DEPDC5: variants seen among roughly 807,000 people sequenced by gnomAD.
DEPDC5 encodes the protein DEP domain containing 5, GATOR1 subcomplex subunit.
A neutral mutation model predicts 217.3 loss-of-function variants in DEPDC5; 73 were observed. The observed-to-expected ratio is 0.34, with a 90% CI of 0.28 to 0.41. DEPDC5 has a LOEUF of 0.41. DEPDC5 is among the 10% of genes least tolerant of loss of function. The pLI, the probability that DEPDC5 is intolerant of heterozygous loss-of-function variation, is 1.00. For synonymous variants in DEPDC5, 733 were observed against 756.7 expected, an observed-to-expected ratio of 0.97 and a Z score of 0.51; for missense variants, 1,675 against 2,070.1, an observed-to-expected ratio of 0.81 and a Z score of 3.70.
At chr22:31,895,399 C>T (rs927511683) in intron 39 of DEPDC5, among the ~76,000 whole-genome samples, 2 of 152,304 alleles carry the variant, frequency 1.3e-5, no homozygotes, top group South Asian at 4.1e-4. Context: ...ATTCACTGCT[C>T]CTACACTAAG....
chr22:31,897,721 C>G, intron 40 of DEPDC5, 68 bp downstream of exon 40: 1 of 1,558,148 alleles, frequency 6.4e-7, no homozygotes, highest in Non-Finnish European at 8.7e-7. Context: ...GGACACCACT[C>G]TGGGTATCCA....
chr22:31,837,088 C>A lies in DEPDC5; in HGVS notation c.2287C>A (p.Arg763Ser). ...LPLTTDYFPD[R>S]QGLQNDYTEG... ...CCTTACCACCGACTACTTCCCTGAC[C>A]GCCAGGGCCTGCAGAATGACTACAC... Residue 763 changes from arginine to serine, a missense_variant, in exon 26 of 43, where the codon CGC (arginine) becomes AGC (serine). Around this residue, in one of 11 missense-constraint regions of DEPDC5, gnomAD observed 293 missense variants for 386.1 expected, o/e 0.76. Coordinates refer to ENST00000651528, the MANE Select transcript of DEPDC5 (RefSeq NM_001242896.3). 1.2e-6 allele frequency: 2 copies of A among 1,614,162 alleles called. 1 individual carries two copies. The highest frequency in any genetic ancestry group is 2.2e-5 in the South Asian group (2 of 91,084).
chr22:31,853,310 T>C (rs2149085575), intron 31 of DEPDC5: 1 of 152,108 alleles, frequency 6.6e-6, no homozygotes, highest in East Asian at 1.9e-4. Context: ...GTACCCCCAG[T>C]GTGAAGGGTG....
intron 22 of DEPDC5, among the ~76,000 whole-genome samples, chr22:31,821,151 G>T (rs558023931): frequency 1.3e-5 from 2 of 152,288 alleles, no homozygotes; most frequent in East Asian, 3.9e-4. Flanking sequence ...GAATCATTTG[G>T]TGTTTCACTT....
Position 31,906,199 on chromosome 22 carries a change from C to T in DEPDC5, c.4520-6C>T. On this transcript the variant is annotated splice_polypyrimidine_tract_variant and splice_region_variant and intron_variant, in intron 42 of 42. Coordinates refer to ENST00000651528, the MANE Select transcript of DEPDC5 (RefSeq NM_001242896.3). The surrounding 1 kb of genome is among the most constrained non-coding windows in gnomAD (Gnocchi z 5.1). ...CTGCCACACAGGCGCTCCCCTTTCT[C>T]TTCAGGAACAGTGTTTCTGCAGCTG... The T allele has an allele frequency of 6.2e-7, 1 of 1,613,688 alleles. No individual in the cohort carries two copies. The highest frequency in any genetic ancestry group is 8.5e-7 in the Non-Finnish European group (1 of 1,179,704).
chr22:31,856,300 G>T (rs575573818), intron 31 of DEPDC5, among the ~76,000 whole-genome samples: 2 of 152,172 alleles, frequency 1.3e-5, no homozygotes, highest in East Asian at 1.9e-4. Context: ...TCCCTGAAGG[G>T]GCCAACAACT....
rs373645855 is a variant in DEPDC5, at chr22:31,906,369, G to T, written c.4684G>T (p.Ala1562Ser). ...GCTCACCAAAACATGGCGCTCCAGC[G>T]CCACAGGGGATGAAAAGTTTGCTGA... Reference protein sequence around the residue: ...TMLTKTWRSSATGDEKFADRL... With the variant: ...TMLTKTWRSSSTGDEKFADRL... Residue 1562 changes from alanine (A) to serine (S), a missense_variant, in exon 43 of 43, where the codon GCC (alanine) becomes TCC (serine). By Grantham distance (99) the Ala-to-Ser change is moderately conservative (BLOSUM62 1). Coordinates refer to ENST00000651528, the MANE Select transcript of DEPDC5 (RefSeq NM_001242896.3). The surrounding 1 kb of genome is among the most constrained non-coding windows in gnomAD (Gnocchi z 5.1). 6.2e-6 allele frequency: 10 copies of T among 1,613,978 alleles called. No homozygotes were observed. The highest frequency in any genetic ancestry group is 1.6e-4 in the Middle Eastern group (1 of 6,084).
At chr22:31,805,443 A>G (rs1307232659) in intron 17 of DEPDC5, among the ~76,000 whole-genome samples, 1 of 152,036 alleles carries the variant, frequency 6.6e-6, no homozygotes, top group Non-Finnish European at 1.5e-5. Context: ...GATAGCTAAC[A>G]GCCACTTTTT....
chr22:31,870,173 T>C (rs1030367961), intron 33 of DEPDC5, among the ~76,000 whole-genome samples: 20 of 152,248 alleles, frequency 1.3e-4, no homozygotes, highest in Admixed American at 6.5e-5. Context: ...TGTCTCTAAA[T>C]GTGGTCTTTC....
intron 8 of DEPDC5, 65 bp downstream of exon 8, chr22:31,778,233 C>T (rs1436937831): frequency 3.3e-6 from 5 of 1,528,836 alleles, no homozygotes; most frequent in Non-Finnish European, 4.5e-6. Flanking sequence ...GTCCTAAAAT[C>T]AAAAATAAAA....
chr22:31,881,203 G>A (rs145269824), intron 38 of DEPDC5, among the ~76,000 whole-genome samples: 1 of 151,634 alleles, frequency 6.6e-6, no homozygotes, highest in South Asian at 2.1e-4. Context: ...TCCGGAGGCC[G>A]AGGCAGGAGA....
At chr22:31,760,376 T>C (rs1473134574) in intron 3 of DEPDC5, among the ~76,000 whole-genome samples, 1 of 152,074 alleles carries the variant, frequency 6.6e-6, no homozygotes, top group Non-Finnish European at 1.5e-5. Flanking sequence ...CCTAATTTTT[T>C]CTATTTTTTA....
chr22:31,758,484 T>G, intron 2 of DEPDC5, 62 bp from the exon 3 acceptor site: 4 of 1,470,744 alleles, frequency 2.7e-6, no homozygotes, highest in Non-Finnish European at 3.8e-6. Context: ...GGAACCAGTA[T>G]GAGAACATAC....
chr22:31,808,504 G>A (rs145064724), intron 18 of DEPDC5, among the ~76,000 whole-genome samples: 3,810 of 151,792 alleles, frequency 0.025, 60 homozygotes, highest in African/African-American at 0.042. Context: ...GCACAATCTC[G>A]GCTCACTGCA....
At chr22:31,789,464 G>C (rs2085387662) in intron 10 of DEPDC5, among the ~76,000 whole-genome samples, 1 of 152,142 alleles carries the variant, frequency 6.6e-6, no homozygotes. Context: ...ATTAGTGGTT[G>C]CCAGGGACTG....
intron 23 of DEPDC5, among the ~76,000 whole-genome samples, chr22:31,822,205 G>A (rs919573954): frequency 5.3e-5 from 8 of 152,220 alleles, no homozygotes; most frequent in Admixed American, 1.3e-4. Context: ...GCGTGAGCCC[G>A]GGTTACACCT....
At chr22:31,863,024 T>C (rs1398207747) in intron 33 of DEPDC5, among the ~76,000 whole-genome samples, 1 of 152,254 alleles carries the variant, frequency 6.6e-6, no homozygotes, top group Non-Finnish European at 1.5e-5. Flanking sequence ...GCTAATTTTT[T>C]ATTTTTTTAG....
intron 20 of DEPDC5, among the ~76,000 whole-genome samples, chr22:31,811,558 T>G (rs1475610012): frequency 1.3e-5 from 2 of 151,892 alleles, no homozygotes. Flanking sequence ...TAGTTGTTTT[T>G]TTTTTTTTTG....
In DEPDC5 at chr22:31,815,186, G is replaced by A. The variant is rs1483477312; in HGVS notation, c.1640G>A (p.Ser547Asn). The A allele has an allele frequency of 1.9e-6, 3 of 1,614,146 alleles. No homozygotes were observed. The highest frequency in any genetic ancestry group is 2.5e-6 in the Non-Finnish European group (3 of 1,180,034). ...CACCTGCACCAGTATGAAGTCAGCA[G>A]CTCCTTGGGATACACCAGCACTCGA... ...HPHLHQYEVS[S>N]SLGYTSTRDV... The change falls in exon 21 of 43, where the codon AGC becomes AAC. Residue 547 changes from serine (S) to asparagine (N), a missense_variant. By Grantham distance (46) the Ser-to-Asn change is conservative. Around this residue, in one of 11 missense-constraint regions of DEPDC5, gnomAD observed 628 missense variants for 762.1 expected, o/e 0.82. Coordinates refer to ENST00000651528, the MANE Select transcript of DEPDC5 (RefSeq NM_001242896.3).
Sources: gnomAD v4.1 joint callset for allele counts (sites outside exome capture counted in the v4.1 genomes callset) on GRCh38, gnomAD v4.1.1 for gene constraint, gnomAD v4.1.1 regional missense constraint, Gnocchi (gnomAD v3.1) non-coding constraint, MANE v1.5 for transcripts, NCBI Gene and HGNC (gene_info 2026-07-23, HGNC 2026-07-21) for gene names.